Variants in LYST observed in about 807,000 individuals in gnomAD.
LYST encodes lysosomal-trafficking regulator.
Under a neutral mutation model 413.6 loss-of-function variants are expected in LYST, and 192 were observed. That is an observed-to-expected ratio of 0.46 (90% CI 0.41 to 0.52). LYST has a LOEUF of 0.52. Among genes scored for constraint, LYST ranks in the 20% least tolerant of loss-of-function variants. The probability of loss-of-function intolerance (pLI) is 0.00; values close to 1 mark genes in which losing one functional copy is unlikely to be tolerated. For missense variants in LYST, 3,815 were observed against 4,499.9 expected (o/e 0.85, Z 4.35); for synonymous variants, 1,525 against 1,567.3 (o/e 0.97, Z 0.64).
intron 21 of LYST, among the ~76,000 whole-genome samples, chr1:235,765,184 G>A (rs1668010153): frequency 6.6e-6 from 1 of 152,026 alleles, no homozygotes; most frequent in African/African-American, 2.4e-5. Flanking sequence ...AATAACTGCA[G>A]GGCACCTCAA....
intron 1 of LYST, among the ~76,000 whole-genome samples, chr1:235,874,500 C>T (rs1003386345): frequency 6.6e-6 from 1 of 152,212 alleles, no homozygotes; most frequent in African/African-American, 2.4e-5. Flanking sequence ...AGCCTCTAAA[C>T]TTGAGACTTA....
chr1:235,688,993 T>C (rs1468846309), intron 47 of LYST, among the ~76,000 whole-genome samples: 1 of 101,812 alleles, frequency 9.8e-6, no homozygotes, highest in East Asian at 2.0e-4. Flanking sequence ...CAAATAATAA[T>C]AATAATAATA....
rs558039464 is a variant in LYST, at chr1:235,812,380, G to C, written c.283+591C>G. Among the ~76,000 whole-genome samples the C allele has an allele frequency of 1.1e-4, 16 of 151,716 alleles. No individual in the cohort carries two copies. In the South Asian group the frequency reaches 2.9e-3, roughly 28 times the overall value. On this transcript the variant is annotated intron_variant, in intron 4 of 52. Transcript: ENST00000389793. ...AAATTAGTCTGGCATGGTGGTGCAC[G>C]ACTGTAATCCCATCTACTCAGGAGG...
chr1:235,738,969 C>G (rs1351329540), intron 31 of LYST: 2 of 722,890 alleles, frequency 2.8e-6, no homozygotes, highest in East Asian at 5.2e-5. Flanking sequence ...TTGGGGGATA[C>G]AAAAAGAGCT....
In LYST at chr1:235,702,228, T is replaced by A. The variant is rs12072242; in HGVS notation, c.10374+519A>T. On this transcript the variant is annotated intron_variant, in intron 45 of 52. Transcript: ENST00000389793. The stretch of plus-strand genomic sequence containing the variant: ...TTTTTCTATTTTGAAGTAAAAATTA[T>A]ACCTACTTCCTATTTTTGGAGGCAA... Among the ~76,000 whole-genome samples, 970 of 152,340 alleles carry A rather than the reference T, an allele frequency of 6.4e-3. 8 individuals are homozygous for A. Among genetic ancestry groups the A allele is most frequent in the African/African-American group, 0.022 (921 of 41,578 alleles).
In LYST at chr1:235,702,775, C is replaced by A. The variant is rs550123150; in HGVS notation, c.10346G>T (p.Arg3449Leu). 1 of 1,614,102 alleles carries A rather than the reference C, an allele frequency of 6.2e-7. No homozygotes were observed. Among genetic ancestry groups the A allele is most frequent in the East Asian group, 2.2e-5 (1 of 44,880 alleles). Residue 3449 changes from arginine to leucine, a missense_variant, in exon 45 of 53, where the codon CGA becomes CTA. Coordinates refer to ENST00000389793, the MANE Select transcript of LYST (RefSeq NM_000081.4). ...ATAGGTGATTTCTTTGACCTGTTCTCGGGTCTCCCTGAAAGCAAACTGCAC... is the reference window on the plus strand; with the variant it reads ...ATAGGTGATTTCTTTGACCTGTTCTAGGGTCTCCCTGAAAGCAAACTGCAC... ...LLVQFAFRETREQVKEITYPS... is the reference protein window; with the variant it reads ...LLVQFAFRETLEQVKEITYPS...
In LYST at chr1:235,775,044, G is replaced by C; in HGVS notation, c.5503C>G (p.Leu1835Val). 6.2e-7 allele frequency: 1 copy of C among 1,611,714 alleles called. No homozygotes were observed. Among genetic ancestry groups the C allele is most frequent in the Non-Finnish European group, 8.5e-7 (1 of 1,179,310 alleles). Reference protein sequence around the residue: ...SSCEETQALALRVILSLIKYN... With the variant: ...SSCEETQALAVRVILSLIKYN... Reference sequence around the variant, plus strand: ...TTAATTAATGAGAGTATAACTCGCAGTGCTAATGCTTGAGTTTCTTCACAG... The same window carrying C: ...TTAATTAATGAGAGTATAACTCGCACTGCTAATGCTTGAGTTTCTTCACAG... Residue 1835 changes from leucine to valine, a missense_variant, in exon 18 of 53, where the codon CTG becomes GTG. Physicochemically the swap from Leu to Val is conservative, Grantham distance 32. This residue lies in a region of LYST where 530 missense variants were observed against 696.5 expected (regional missense o/e 0.76). Coordinates refer to ENST00000389793, the MANE Select transcript of LYST (RefSeq NM_000081.4).
intron 14 of LYST, chr1:235,786,937 T>C (rs1670479731): frequency 3.3e-6 from 1 of 301,902 alleles, no homozygotes; most frequent in East Asian, 8.3e-5. Context: ...ATAGGAGATA[T>C]ACCTAATGTA....
In LYST at chr1:235,860,211, G is replaced by A. The variant is rs114621221; in HGVS notation, c.-98+6632C>T. The stretch of plus-strand genomic sequence containing the variant: ...ACTTTATTTTTTAGAAGAGTTTTAG[G>A]TTCACAACAAAACAGAGAGGCAATT... On this transcript the variant is annotated intron_variant, in intron 1 of 52. Coordinates refer to ENST00000389793, the MANE Select transcript of LYST (RefSeq NM_000081.4). Among the ~76,000 whole-genome samples, 302 of 152,038 alleles carry A rather than the reference G, an allele frequency of 2.0e-3. 1 individual carries two copies. The highest frequency in any genetic ancestry group is 6.9e-3 in the African/African-American group (285 of 41,450).
intron 38 of LYST, 143 bp from the exon 39 acceptor site, chr1:235,724,323 A>G (rs1663653192): frequency 3.0e-6 from 2 of 657,266 alleles, no homozygotes; most frequent in South Asian, 1.9e-5. Flanking sequence ...AAACTCTCCC[A>G]ATGCAAAACA....
chr1:235,753,519 G>C (rs968671940), intron 25 of LYST, among the ~76,000 whole-genome samples: 1 of 152,054 alleles, frequency 6.6e-6, no homozygotes, highest in Non-Finnish European at 1.5e-5. Context: ...ACAATTTCTT[G>C]GTTTTAACTG....
intron 1 of LYST, among the ~76,000 whole-genome samples, chr1:235,858,487 CA>C (rs1490192337): frequency 6.6e-6 from 1 of 152,148 alleles, no homozygotes; most frequent in African/African-American, 2.4e-5. Flanking sequence ...CTGCTAACTC[CA>C]GAATCTTAAA....
chr1:235,875,684 A>G (rs1002824186), intron 1 of LYST, among the ~76,000 whole-genome samples: 20 of 152,100 alleles, frequency 1.3e-4, no homozygotes, highest in African/African-American at 4.3e-4. Context: ...TATCTCTACA[A>G]AAGTAAAAAA....
At chr1:235,781,352 T>C (rs1246955526) in intron 15 of LYST, among the ~76,000 whole-genome samples, 1 of 152,168 alleles carries the variant, frequency 6.6e-6, no homozygotes, top group Non-Finnish European at 1.5e-5. Context: ...TTTACTTTGT[T>C]GTATTTTTTA....
At chr1:235,836,559 T>G (rs148349802) in intron 1 of LYST, among the ~76,000 whole-genome samples, 92 of 152,250 alleles carry the variant, frequency 6.0e-4, no homozygotes, top group African/African-American at 2.2e-3. Flanking sequence ...GTATGCTGGA[T>G]GTACGGGATA....
At chr1:235,784,607 G>A (rs1315535891) in intron 14 of LYST, among the ~76,000 whole-genome samples, 1 of 145,746 alleles carries the variant, frequency 6.9e-6, no homozygotes, top group African/African-American at 2.8e-5. Flanking sequence ...AGTCACTCTA[G>A]GTCTCAGTTG....
chr1:235,791,803 T>C lies in LYST; in HGVS notation c.4439A>G (p.Asn1480Ser). ...CTCAGCTTCATGGATACACTCCACA[T>C]TAAACCACAGGGAAACACTGAAACC... ...SEGFSVSLWF[N>S]VECIHEAEST... Residue 1480 changes from asparagine (N) to serine (S), a missense_variant, in exon 12 of 53, where the codon AAT becomes AGT. Asn to Ser is a conservative substitution (Grantham distance 46). Coordinates refer to ENST00000389793, the MANE Select transcript of LYST (RefSeq NM_000081.4). 6.2e-7 allele frequency: 1 copy of C among 1,614,128 alleles called. No homozygotes were observed. The highest frequency in any genetic ancestry group is 8.5e-7 in the Non-Finnish European group (1 of 1,179,946).
chr1:235,872,600 C>T (rs914464181), intron 1 of LYST, among the ~76,000 whole-genome samples: 1 of 152,116 alleles, frequency 6.6e-6, no homozygotes, highest in African/African-American at 2.4e-5. Flanking sequence ...CAGGGGAGGT[C>T]AGAGAATTTT....
In LYST at chr1:235,803,047, T is replaced by A; in HGVS notation, c.3573A>T (p.Glu1191Asp). Residue 1191 changes from glutamate (E) to aspartate (D), a missense_variant, in exon 8 of 53, where the codon GAA becomes GAT. This residue lies in a region of LYST where 1,648 missense variants were observed against 1,810.3 expected (regional missense o/e 0.91). Coordinates refer to ENST00000389793, the MANE Select transcript of LYST (RefSeq NM_000081.4). ...AATCACCAGGCTGGGATGACAATTCTTCTGCAGATTGATGACTCTATAAAT... is the reference window on the plus strand; with the variant it reads ...AATCACCAGGCTGGGATGACAATTCATCTGCAGATTGATGACTCTATAAAT... Reference protein sequence around the residue: ...AMTEKSHQSAEELSSQPGDFS... With the variant: ...AMTEKSHQSADELSSQPGDFS... The A allele has an allele frequency of 6.2e-7, 1 of 1,612,884 alleles. No homozygotes were observed. The highest frequency in any genetic ancestry group is 8.5e-7 in the Non-Finnish European group (1 of 1,179,572).
Sources: gnomAD v4.1 joint callset for allele counts (sites outside exome capture counted in the v4.1 genomes callset) on GRCh38, gnomAD v4.1.1 for gene constraint, gnomAD v4.1.1 regional missense constraint, MANE v1.5 for transcripts, NCBI Gene and HGNC (gene_info 2026-07-23, HGNC 2026-07-21) for gene names.